The following TENM4 variants were observed in gnomAD, a reference collection of about 807,000 sequenced individuals.
The protein encoded by TENM4 is teneurin-4.
TENM4 carries 82 observed loss-of-function variants against 243.3 expected under a neutral mutation model. The observed-to-expected ratio is 0.34, with a 90% CI of 0.28 to 0.40. TENM4 has a LOEUF of 0.40. Ranked by LOEUF, TENM4 falls within the 10% of genes least tolerant of loss-of-function variation. TENM4 has a pLI of 1.00. For missense variants in TENM4, 3,138 were observed against 3,673.3 expected (o/e 0.85, Z 3.77); for synonymous variants, 1,412 against 1,456.3 (o/e 0.97, Z 0.69).
intron 14 of TENM4, among the ~76,000 whole-genome samples, chr11:78,808,976 G>A (rs1857442145): frequency 6.6e-6 from 1 of 152,136 alleles, no homozygotes; most frequent in African/African-American, 2.4e-5. Context: ...TTCCTATCCT[G>A]AGGCCAATAA....
At chr11:79,166,281 G>A (rs921192547) in intron 3 of TENM4, among the ~76,000 whole-genome samples, 4 of 152,278 alleles carry the variant, frequency 2.6e-5, no homozygotes, top group African/African-American at 7.2e-5. Flanking sequence ...AAGGTATTTC[G>A]TCTTCTGGAC....
chr11:79,263,522 A>G (rs1855833251), intron 2 of TENM4, among the ~76,000 whole-genome samples: 1 of 152,254 alleles, frequency 6.6e-6, no homozygotes, highest in Non-Finnish European at 1.5e-5. Flanking sequence ...TTCCAGAAAC[A>G]TGGAGTTTGC....
At chr11:79,195,546 G>A (rs1460530227) in intron 3 of TENM4, among the ~76,000 whole-genome samples, 1 of 152,154 alleles carries the variant, frequency 6.6e-6, no homozygotes, top group Non-Finnish European at 1.5e-5. Flanking sequence ...AGATCATTTT[G>A]GAGCTTCAAA....
At chr11:79,331,140 T>G (rs1045562259) in intron 1 of TENM4, among the ~76,000 whole-genome samples, 2 of 152,120 alleles carry the variant, frequency 1.3e-5, no homozygotes, top group Non-Finnish European at 2.9e-5. Context: ...CATGGCTGCC[T>G]TGCTGAGAAA....
chr11:78,759,553 C>G (rs1273478485), intron 18 of TENM4, among the ~76,000 whole-genome samples: 1 of 152,208 alleles, frequency 6.6e-6, no homozygotes, highest in Non-Finnish European at 1.5e-5. Context: ...CTTTTATAAA[C>G]ATTCAGCTCT....
At chr11:79,140,166 C>T (rs1008192854) in intron 4 of TENM4, among the ~76,000 whole-genome samples, 17 of 152,034 alleles carry the variant, frequency 1.1e-4, no homozygotes, top group African/African-American at 4.1e-4. Context: ...GCAGTTCCGG[C>T]GTGCAACATG....
chr11:79,381,589 G>A (rs748533767), intron 1 of TENM4, among the ~76,000 whole-genome samples: 9 of 149,996 alleles, frequency 6.0e-5, no homozygotes, highest in Non-Finnish European at 8.9e-5. Context: ...CAAATGAGCA[G>A]CCCATCTAGT....
At chr11:79,306,471 C>T (rs1422307009) in intron 1 of TENM4, among the ~76,000 whole-genome samples, 2 of 152,040 alleles carry the variant, frequency 1.3e-5, no homozygotes, top group African/African-American at 4.8e-5. Flanking sequence ...GTGCTGTTGC[C>T]TGTGGTGGCT....
At chr11:79,185,490 A>G (rs979035772) in intron 3 of TENM4, among the ~76,000 whole-genome samples, 1 of 152,236 alleles carries the variant, frequency 6.6e-6, no homozygotes, top group African/African-American at 2.4e-5. Flanking sequence ...AACTGGGCCC[A>G]GTTAAATCAC....
At chr11:79,169,290 T>G (rs1862986828) in intron 3 of TENM4, among the ~76,000 whole-genome samples, 1 of 152,224 alleles carries the variant, frequency 6.6e-6, no homozygotes, top group Non-Finnish European at 1.5e-5. Flanking sequence ...CCCTGGCACA[T>G]CTGTGAATTA....
intron 6 of TENM4, among the ~76,000 whole-genome samples, chr11:78,933,609 T>G (rs2136430326): frequency 6.6e-6 from 1 of 152,258 alleles, no homozygotes; most frequent in South Asian, 2.1e-4. Context: ...CATCTAAACC[T>G]GGAGAACACT....
In TENM4 at chr11:78,766,489, T is replaced by G. The variant is rs138267675; in HGVS notation, c.2539+4503A>C. ...TTGTCAAGTGGGGCACATAGAGACTTCACTTTGAGTAGGTGAGTTAGGGCC... is the reference window on the plus strand; with the variant it reads ...TTGTCAAGTGGGGCACATAGAGACTGCACTTTGAGTAGGTGAGTTAGGGCC... On this transcript the variant is annotated intron_variant, in intron 18 of 33. Coordinates refer to ENST00000278550, the MANE Select transcript of TENM4 (RefSeq NM_001098816.3). Among the ~76,000 whole-genome samples, 792 of 152,234 alleles carry G rather than the reference T, an allele frequency of 5.2e-3. 4 individuals are homozygous for G. The highest frequency in any genetic ancestry group is 7.7e-3 in the Non-Finnish European group (522 of 68,008).
chr11:78,973,577 T>C (rs1419688630), intron 6 of TENM4, among the ~76,000 whole-genome samples: 2 of 152,122 alleles, frequency 1.3e-5, no homozygotes, highest in Non-Finnish European at 2.9e-5. Flanking sequence ...AGAATTTGTT[T>C]TGTGCTTACT....
chr11:79,400,595 C>G (rs1443464524), intron 1 of TENM4, among the ~76,000 whole-genome samples: 1 of 152,170 alleles, frequency 6.6e-6, no homozygotes, highest in African/African-American at 2.4e-5. Context: ...GCAATCAGTG[C>G]AAATTCCAGT....
At chr11:78,836,255 C>T (rs1425285985) in intron 12 of TENM4, among the ~76,000 whole-genome samples, 2 of 152,140 alleles carry the variant, frequency 1.3e-5, no homozygotes, top group Non-Finnish European at 2.9e-5. Flanking sequence ...GAGGCTGGGG[C>T]AGGAGACTCG....
chr11:79,100,584 C>T (rs1861203019), intron 4 of TENM4, among the ~76,000 whole-genome samples: 1 of 152,106 alleles, frequency 6.6e-6, no homozygotes, highest in Non-Finnish European at 1.5e-5. Context: ...GTCTCATTTC[C>T]CACGACATCA....
chr11:79,010,283 A>T (rs1157115882), intron 6 of TENM4, among the ~76,000 whole-genome samples: 2 of 152,118 alleles, frequency 1.3e-5, no homozygotes, highest in Admixed American at 6.5e-5. Flanking sequence ...TTCTGCTGCA[A>T]AGGAACTCAC....
At chr11:78,683,750 C>T (rs530504641) in intron 29 of TENM4, among the ~76,000 whole-genome samples, 1 of 151,930 alleles carries the variant, frequency 6.6e-6, no homozygotes, top group African/African-American at 2.4e-5. Context: ...GCGTCGCTCA[C>T]GCTGGGAGCT....
intron 3 of TENM4, among the ~76,000 whole-genome samples, chr11:79,193,555 G>C (rs1265269687): frequency 6.6e-6 from 1 of 152,082 alleles, no homozygotes; most frequent in African/African-American, 2.4e-5. Context: ...TCCTTCACCT[G>C]CTGAGTGACG....
Sources: allele counts gnomAD v4.1 joint callset (sites outside exome capture counted in the v4.1 genomes callset), GRCh38; gene constraint gnomAD v4.1.1; transcripts MANE v1.5; gene names NCBI Gene and HGNC (gene_info 2026-07-23, HGNC 2026-07-21).